The following IRF3 variants were observed in gnomAD, a reference collection of about 807,000 sequenced individuals.
IRF3 encodes the protein interferon regulatory factor 3.
Under a neutral mutation model 43.2 loss-of-function variants are expected in IRF3, and 29 were observed. The ratio of observed to expected loss-of-function variants is 0.67; its 90% CI spans 0.50 to 0.91. The LOEUF (loss-of-function observed/expected upper bound fraction) is 0.91, where lower values mean the gene tolerates loss of function less well. Among genes scored for constraint, IRF3 ranks in the 40% least tolerant of loss-of-function variants. The pLI, the probability that IRF3 is intolerant of heterozygous loss-of-function variation, is 0.00. For synonymous variants in IRF3, 228 were observed against 233.9 expected, an observed-to-expected ratio of 0.97 and a Z score of 0.23; for missense variants, 505 against 559.1, an observed-to-expected ratio of 0.90 and a Z score of 0.98.
rs147660107 is a variant in IRF3, at chr19:49,664,722, C to T, written c.117G>A (p.Lys39=). Reference sequence around the variant, plus strand: ...GCTGTGCATCCTGCCGTAGGCCGTGCTTCCAAGGGATGCGGAAGCGCGTGC... The same window carrying T: ...GCTGTGCATCCTGCCGTAGGCCGTGTTTCCAAGGGATGCGGAAGCGCGTGC... ...KSRTRFRIPW[K]HGLRQDAQQE... The change falls in exon 2 of 8, where the codon AAG becomes AAA. Residue 39 remains lysine (K), a synonymous_variant. Transcript: ENST00000377139. 71 of 1,613,976 alleles carry T rather than the reference C, an allele frequency of 4.4e-5. No individual in the cohort carries two copies. The highest frequency in any genetic ancestry group is 5.3e-5 in the Non-Finnish European group (63 of 1,179,984).
rs372990308 is a variant in IRF3, at chr19:49,663,377, G to A, written c.303C>T (p.His101=). The A allele has an allele frequency of 1.3e-5, 21 of 1,614,104 alleles. No homozygotes were observed. The South Asian group carries it at 1.6e-4, about 13-fold the overall frequency. ...RLAEDRSKDP[H]DPHKIYEFVN... is the part of the protein sequence containing the mutation. ...CAAACTCGTAGATTTTATGTGGGTC[G>A]TGAGGGTCCTTGCTCCGGTCCTCTG... Residue 101 remains histidine (H), a synonymous_variant, in exon 3 of 8, where the codon CAC becomes CAT. Transcript: ENST00000377139.
rs2081198343 is a variant in IRF3, at chr19:49,659,805, A to G, written c.1127T>C (p.Val376Ala). Residue 376 changes from valine to alanine, a missense_variant, in exon 8 of 8, where the codon GTA becomes GCA. Transcript: ENST00000377139. ...GGCACCCCCTACCCGGGCCATTTCTACCAAGGCCCTGAGGCACGTGGGCAC... is the reference window on the plus strand; with the variant it reads ...GGCACCCCCTACCCGGGCCATTTCTGCCAAGGCCCTGAGGCACGTGGGCAC... ...KVVPTCLRAL[V>A]EMARVGGASS... 1 of 1,603,826 alleles carries G rather than the reference A, an allele frequency of 6.2e-7. No homozygotes were observed. The highest frequency in any genetic ancestry group is 8.5e-7 in the Non-Finnish European group (1 of 1,173,292).
chr19:49,661,133 T>C (rs10415576), intron 6 of IRF3: 173,693 of 388,822 alleles, frequency 0.45, 44,414 homozygotes, highest in African/African-American at 0.84. Context: ...CATTCAGTCC[T>C]GTCTGAGGCT....
chr19:49,663,692 CA>C, intron 2 of IRF3, 178 bp from the exon 3 acceptor site: 1 of 613,260 alleles, frequency 1.6e-6, no homozygotes, highest in South Asian at 2.1e-5. Context: ...CTCTAGTTTT[CA>C]AAAGGCTTTT....
intron 6 of IRF3, chr19:49,661,142 C>A: frequency 2.6e-6 from 1 of 387,486 alleles, no homozygotes; most frequent in Admixed American, 4.4e-5. Context: ...CTGTCTGAGG[C>A]TGCATTGTCC....
At chr19:49,660,147 G>C (rs1410075893) in intron 7 of IRF3, among the ~76,000 whole-genome samples, 1 of 151,848 alleles carries the variant, frequency 6.6e-6, no homozygotes, top group Admixed American at 6.6e-5. Context: ...TGACTCCTGG[G>C]AGCCACAGCC....
At position 49,663,931 on chromosome 19, in the gene IRF3, G is replaced by A. The variant is rs8104507; in HGVS notation, c.166-417C>T. 8.6e-3 allele frequency: 1,996 copies of A among 232,324 alleles called. 40 individuals are homozygous for A. The highest frequency in any genetic ancestry group is 0.044 in the African/African-American group (1,890 of 43,260). The allele number at this position is 232,324 out of a possible 1,614,324, so 14.4% of individuals were successfully genotyped here. A position where few individuals can be genotyped will look rare whatever the true frequency, so the allele number is the denominator to read the frequency against. On this transcript the variant is annotated intron_variant, in intron 2 of 7. Coordinates refer to ENST00000377139, the MANE Select transcript of IRF3 (RefSeq NM_001571.6). ...GGCTGGTCTTGAACTCCTGACCTCAGGTGATCCGTCCTCCTCGGCCTCCCA... is the reference window on the plus strand; with the variant it reads ...GGCTGGTCTTGAACTCCTGACCTCAAGTGATCCGTCCTCCTCGGCCTCCCA...
At position 49,665,701 on chromosome 19, in the gene IRF3, A is replaced by G. The variant is rs758053695; in HGVS notation, c.-79T>C. 4.1e-5 allele frequency: 55 copies of G among 1,351,156 alleles called. No individual in the cohort carries two copies. Among genetic ancestry groups the G allele is most frequent in the Non-Finnish European group, 5.4e-5 (54 of 1,001,164 alleles). 83.7% of individuals were successfully genotyped at this position (1,351,156 alleles called of 1,614,324 possible). A position where few individuals can be genotyped will look rare whatever the true frequency, so the allele number is the denominator to read the frequency against. ...GTCTTGGAGCTCCGGGTAGCTCTCA[A>G]ACTCGAGGCTGCGCACCCCCTTTCC... is the stretch of plus-strand genomic sequence containing the variant. On this transcript the variant is annotated 5_prime_UTR_variant, in exon 1 of 8. Coordinates refer to ENST00000377139, the MANE Select transcript of IRF3 (RefSeq NM_001571.6).
intron 7 of IRF3, 142 bp downstream of exon 7, chr19:49,660,571 G>C: frequency 2.4e-6 from 2 of 816,928 alleles, no homozygotes; most frequent in Non-Finnish European, 3.7e-6. Flanking sequence ...AGGAGCTCCC[G>C]GGGATGAAAA....
Position 49,663,439 on chromosome 19 carries a change from G to A in IRF3, c.241C>T (p.Arg81Cys), listed in dbSNP as rs2081445676. 1.2e-6 allele frequency: 2 copies of A among 1,614,082 alleles called. No homozygotes were observed. Among genetic ancestry groups the A allele is most frequent in the African/African-American group, 2.7e-5 (2 of 74,930 alleles). The change falls in exon 3 of 8, where the codon CGC becomes TGC. Residue 81 changes from arginine to cysteine, a missense_variant. Physicochemically the swap from Arg to Cys is radical, Grantham distance 180 (BLOSUM62 -3). Transcript: ENST00000377139. ...CCTTCTTTGCGGTTGAGGGCAGAGC[G>A]GAAATTCCTCTTCCAGGTTGGCAGG... ...PDLPTWKRNFRSALNRKEGLR... is the reference protein window; with the variant it reads ...PDLPTWKRNFCSALNRKEGLR...
At position 49,664,562 on chromosome 19, in the gene IRF3, C is replaced by A. The variant is rs753188816; in HGVS notation, c.165+112G>T. 4 of 1,592,114 alleles carry A rather than the reference C, an allele frequency of 2.5e-6. No individual in the cohort carries two copies. In the African/African-American group the frequency reaches 5.4e-5, roughly 21 times the overall value. On this transcript the variant is annotated intron_variant, in intron 2 of 7. Transcript: ENST00000377139. ...TTCTAGCCCCACCCACCAGCGTTGG[C>A]ACGAGCCCGCCCCTCGCGCGCCACC... is the stretch of plus-strand genomic sequence containing the variant.
Position 49,662,487 on chromosome 19 carries a change from G to C in IRF3, c.539C>G (p.Thr180Ser). The part of the protein sequence containing the change: ...PLRSPSLDNP[T>S]PFPNLGPSEN... ...AGAGGGCCCCAGGTTTGGGAAGGGA[G>C]TGGGATTGTCCAAGCTGGGGCTCCG... The change falls in exon 5 of 8, where the codon ACT becomes AGT. Residue 180 changes from threonine to serine, a missense_variant. Coordinates refer to ENST00000377139, the MANE Select transcript of IRF3 (RefSeq NM_001571.6). 1 of 1,583,872 alleles carries C rather than the reference G, an allele frequency of 6.3e-7. No individual in the cohort carries two copies. Among genetic ancestry groups the C allele is most frequent in the Non-Finnish European group, 8.6e-7 (1 of 1,166,358 alleles).
rs771134637 is a variant in IRF3 at position 49,665,817 on chromosome 19, A to G, written c.-195T>C. On this transcript the variant is annotated 5_prime_UTR_variant, in exon 1 of 8. Coordinates refer to ENST00000377139, the MANE Select transcript of IRF3 (RefSeq NM_001571.6). ...TATCATTCTTTGGGTAACAGACCCA[A>G]AAGCCGATGGGACGGCCCGCTGGGC... is the stretch of plus-strand genomic sequence containing the variant. 6.3e-7 allele frequency: 1 copy of G among 1,585,140 alleles called. No individual in the cohort carries two copies.
At chr19:49,664,226 C>T (rs1373113165) in intron 2 of IRF3, among the ~76,000 whole-genome samples, 1 of 152,130 alleles carries the variant, frequency 6.6e-6, no homozygotes, top group Non-Finnish European at 1.5e-5. Flanking sequence ...ATCCCGTGCA[C>T]CACCTGCCCC....
intron 7 of IRF3, among the ~76,000 whole-genome samples, chr19:49,660,482 A>G (rs2081274949): frequency 6.6e-6 from 1 of 152,116 alleles, no homozygotes; most frequent in South Asian, 2.1e-4. Flanking sequence ...CTTCCATGAG[A>G]CTGGTCCCTG....
chr19:49,664,973 A>G (rs113907362), intron 1 of IRF3, 127 bp from the exon 2 acceptor site: 3 of 1,011,696 alleles, frequency 3.0e-6, no homozygotes, highest in Non-Finnish European at 4.2e-6. Flanking sequence ...TTTCGGGGGT[A>G]CAAACAGGAA....
intron 2 of IRF3, 31 bp downstream of exon 2, chr19:49,664,643 G>T: frequency 6.2e-7 from 1 of 1,610,330 alleles, no homozygotes; most frequent in Non-Finnish European, 8.5e-7. Flanking sequence ...CGCAGCTCCG[G>T]GTTTCCAGCG....
Position 49,663,342 on chromosome 19 carries a change from C to G in IRF3, c.337+1G>C. 1 of 1,614,182 alleles carries G rather than the reference C, an allele frequency of 6.2e-7. No homozygotes were observed. Among genetic ancestry groups the G allele is most frequent in the Non-Finnish European group, 8.5e-7 (1 of 1,180,008 alleles). On this transcript the variant is annotated splice_donor_variant, in intron 3 of 7. Coordinates refer to ENST00000377139, the MANE Select transcript of IRF3 (RefSeq NM_001571.6). LOFTEE classifies it high-confidence loss of function. ...CCCACACGAACCCCAAGCTGGCAGACCTGAGTTCACAAACTCGTAGATTTT... is the reference window on the plus strand; with the variant it reads ...CCCACACGAACCCCAAGCTGGCAGAGCTGAGTTCACAAACTCGTAGATTTT...
chr19:49,659,984 TACACACACACACACACACAC>T (rs5828408), intron 7 of IRF3, 151 bp from the exon 8 acceptor site: 82 of 323,988 alleles, frequency 2.5e-4, no homozygotes, highest in East Asian at 1.0e-3. Flanking sequence ...GTTGTAGTTT[TACACACACACACACACACAC>T]ACACACACAC....
Sources: gnomAD v4.1 joint callset for allele counts (sites outside exome capture counted in the v4.1 genomes callset) on GRCh38, gnomAD v4.1.1 for gene constraint, MANE v1.5 for transcripts, NCBI Gene and HGNC (gene_info 2026-07-23, HGNC 2026-07-21) for gene names.